NRF1: variants seen among roughly 807,000 people sequenced by gnomAD.
NRF1 encodes alpha palindromic-binding protein.
Under a neutral mutation model 58.5 loss-of-function variants are expected in NRF1, and 5 were observed. That is an observed-to-expected ratio of 0.09 (90% CI 0.04 to 0.18). The LOEUF is 0.18. NRF1 is among the 10% of genes least tolerant of loss of function. The pLI, the probability that NRF1 is intolerant of heterozygous loss-of-function variation, is 1.00. For missense variants in NRF1, 288 were observed against 657.7 expected (o/e 0.44, Z 6.15); for synonymous variants, 224 against 246.7 (o/e 0.91, Z 0.86).
intron 10 of NRF1, among the ~76,000 whole-genome samples, chr7:129,745,466 T>C (rs1181938311): frequency 6.6e-6 from 1 of 151,614 alleles, no homozygotes; most frequent in Non-Finnish European, 1.5e-5. Flanking sequence ...GAACTGATGA[T>C]CTAAGGTGGA....
intron 7 of NRF1, 139 bp from the exon 8 acceptor site, chr7:129,711,336 A>T (rs761083639): frequency 5.1e-6 from 3 of 589,574 alleles, no homozygotes; most frequent in Non-Finnish European, 8.9e-6. Flanking sequence ...TTAGTGAGCT[A>T]TGATTTTAGA....
intron 10 of NRF1, among the ~76,000 whole-genome samples, chr7:129,729,732 T>G (rs561173824): frequency 1.3e-5 from 2 of 152,340 alleles, no homozygotes; most frequent in Admixed American, 1.3e-4. Context: ...ACCAGATTTT[T>G]CCCTCTTAAT....
chr7:129,696,082 A>AAAAAC (rs1562973696), intron 5 of NRF1, among the ~76,000 whole-genome samples: 3 of 144,642 alleles, frequency 2.1e-5, no homozygotes, highest in African/African-American at 7.8e-5. Flanking sequence ...AAAAAAAAAA[A>AAAAAC]AAAACAACCA....
At chr7:129,731,875 A>G (rs749947492) in intron 10 of NRF1, among the ~76,000 whole-genome samples, 5 of 152,136 alleles carry the variant, frequency 3.3e-5, no homozygotes, top group Non-Finnish European at 7.4e-5. Flanking sequence ...AGTCTCCCAA[A>G]GTGTTAGGAT....
chr7:129,675,436 A>G (rs1802153964), intron 3 of NRF1, among the ~76,000 whole-genome samples: 1 of 152,206 alleles, frequency 6.6e-6, no homozygotes, highest in South Asian at 2.1e-4. Context: ...GAAGGTTTTC[A>G]ATTTATTTTA....
At chr7:129,696,999 G>A (rs1172041267) in intron 5 of NRF1, among the ~76,000 whole-genome samples, 1 of 152,042 alleles carries the variant, frequency 6.6e-6, no homozygotes, top group African/African-American at 2.4e-5. Context: ...AAAATTTGGT[G>A]TAGGAAAATG....
Position 129,727,305 on chromosome 7 carries a change from G to A in NRF1, c.1288G>A (p.Val430Ile), listed in dbSNP as rs747765591. Residue 430 changes from valine (V) to isoleucine (I), a missense_variant, in exon 10 of 11, where the codon GTC becomes ATC. Coordinates refer to ENST00000393232, the MANE Select transcript of NRF1 (RefSeq NM_005011.5). ...EATLQGGGQI[V>I]LSGETAAAVG... ...CACCTTACAAGGTGGGGGACAGATC[G>A]TCTTGTCTGGGGAAACCGCAGCAGC... 12 of 1,609,786 alleles carry A rather than the reference G, an allele frequency of 7.5e-6. No individual in the cohort carries two copies. The highest frequency in any genetic ancestry group is 2.7e-5 in the African/African-American group (2 of 74,664).
At chr7:129,651,422 A>G (rs78663527) in intron 1 of NRF1, among the ~76,000 whole-genome samples, 1 of 144,682 alleles carries the variant, frequency 6.9e-6, no homozygotes, top group African/African-American at 2.5e-5. Context: ...TCTGTCTCAA[A>G]AAAAAAAAAA....
At chr7:129,663,883 G>A (rs1801855069) in intron 2 of NRF1, among the ~76,000 whole-genome samples, 1 of 152,172 alleles carries the variant, frequency 6.6e-6, no homozygotes, top group South Asian at 2.1e-4. Context: ...CCAGCACCTC[G>A]GGAGGCCGAG....
At chr7:129,619,425 T>TACACACACACACACAC (rs1461364151) in intron 1 of NRF1, among the ~76,000 whole-genome samples, 1 of 82,578 alleles carries the variant, frequency 1.2e-5, no homozygotes, top group African/African-American at 6.6e-5. Context: ...TATATATATA[T>TACACACACACACACAC]ATATATATAC....
intron 9 of NRF1, 143 bp downstream of exon 9, chr7:129,717,519 G>A: frequency 1.1e-6 from 1 of 908,438 alleles, no homozygotes; most frequent in Non-Finnish European, 1.6e-6. Flanking sequence ...CGATATTGTA[G>A]TTTGGCCTAT....
intron 10 of NRF1, among the ~76,000 whole-genome samples, chr7:129,732,865 G>T (rs955458561): frequency 1.3e-5 from 2 of 152,146 alleles, no homozygotes; most frequent in African/African-American, 4.8e-5. Flanking sequence ...GCCTCCCAAA[G>T]TTCCAGACCA....
Position 129,683,316 on chromosome 7 carries a change from TGTGTGAGA to T in NRF1, c.465+5560_465+5567del, listed in dbSNP as rs753303648. Among the ~76,000 whole-genome samples the T allele has an allele frequency of 3.6e-3, 510 of 141,126 alleles. 2 individuals are homozygous for T. The highest frequency in any genetic ancestry group is 5.7e-3 in the African/African-American group (208 of 36,570). The allele number at this position is 141,126 out of a possible 152,430, so 92.6% of individuals were successfully genotyped here. On this transcript the variant is annotated intron_variant, in intron 4 of 10. Coordinates refer to ENST00000393232, the MANE Select transcript of NRF1 (RefSeq NM_005011.5). ...GTGTGTGTGTGTGTGTGTGTGTGTGTGTGTGAGAGAGAGAGAGAGAGAGAGAGAGAAAG... is the reference window on the plus strand; with the variant it reads ...GTGTGTGTGTGTGTGTGTGTGTGTGTGAGAGAGAGAGAGAGAGAGAGAAAG...
chr7:129,638,870 C>T (rs568401346), intron 1 of NRF1, among the ~76,000 whole-genome samples: 10 of 152,150 alleles, frequency 6.6e-5, no homozygotes, highest in African/African-American at 2.4e-4. Flanking sequence ...ATTTTATGTT[C>T]AATTACTTTC....
At chr7:129,644,341 G>A (rs1035705367) in intron 1 of NRF1, among the ~76,000 whole-genome samples, 2 of 152,142 alleles carry the variant, frequency 1.3e-5, no homozygotes, top group South Asian at 4.1e-4. Flanking sequence ...GTAGGGCAAG[G>A]ACAAAACGCT....
At chr7:129,700,433 A>G (rs1239895321) in intron 5 of NRF1, among the ~76,000 whole-genome samples, 1 of 152,134 alleles carries the variant, frequency 6.6e-6, no homozygotes, top group Non-Finnish European at 1.5e-5. Context: ...GCAATGTTTA[A>G]ACTCTCCAAG....
intron 9 of NRF1, among the ~76,000 whole-genome samples, chr7:129,719,489 G>A (rs1803266481): frequency 9.7e-6 from 1 of 103,550 alleles, no homozygotes; most frequent in South Asian, 3.0e-4. Flanking sequence ...TTAGGAATAG[G>A]AAACTGAAAC....
At chr7:129,657,619 T>TC in intron 2 of NRF1, 45 bp downstream of exon 2, 1 of 1,426,510 alleles carries the variant, frequency 7.0e-7, no homozygotes, top group Non-Finnish European at 9.6e-7. Context: ...TTTTTTTTTT[T>TC]TTTTTTTGGA....
intron 1 of NRF1, among the ~76,000 whole-genome samples, chr7:129,646,649 G>C (rs1801411428): frequency 6.6e-6 from 1 of 152,178 alleles, no homozygotes; most frequent in Non-Finnish European, 1.5e-5. Flanking sequence ...CACTCCTCTT[G>C]CTGGAGCAAT....
Sources: gnomAD v4.1 joint callset for allele counts (sites outside exome capture counted in the v4.1 genomes callset) on GRCh38, gnomAD v4.1.1 for gene constraint, MANE v1.5 for transcripts, NCBI Gene and HGNC (gene_info 2026-07-23, HGNC 2026-07-21) for gene names.